Variants in IL1RAPL1 observed in about 807,000 individuals in gnomAD.
IL1RAPL1 encodes interleukin 1 receptor accessory protein like 1, also known as interleukin-1 receptor accessory protein-like 1.
IL1RAPL1 carries 3 observed loss-of-function variants against 48.4 expected under a neutral mutation model. The observed-to-expected ratio is 0.06, with a 90% CI of 0.03 to 0.16. The LOEUF is 0.16. Ranked by LOEUF, IL1RAPL1 falls within the 10% of genes least tolerant of loss-of-function variation. The probability of loss-of-function intolerance (pLI) is 1.00; values close to 1 mark genes in which losing one functional copy is unlikely to be tolerated. For synonymous variants in IL1RAPL1, 185 were observed against 187.7 expected, an observed-to-expected ratio of 0.99 and a Z score of 0.12; for missense variants, 349 against 530.6, an observed-to-expected ratio of 0.66 and a Z score of 3.36.
chrX:29,191,092 TGA>T (rs1930343897), intron 2 of IL1RAPL1, among the ~76,000 whole-genome samples: 1 of 111,621 alleles, frequency 9.0e-6, no homozygotes, highest in Non-Finnish European at 1.9e-5. Flanking sequence ...AAGCAAAAAA[TGA>T]GTTTCATGTA....
intron 2 of IL1RAPL1, among the ~76,000 whole-genome samples, chrX:29,084,852 T>C (rs1380814094): frequency 9.0e-6 from 1 of 111,675 alleles, no homozygotes; most frequent in Non-Finnish European, 1.9e-5. Context: ...CCACCATACC[T>C]GGCTAATTTT....
chrX:29,564,115 C>T lies in IL1RAPL1; in HGVS notation c.704-104315C>T, dbSNP rs138418527. ...ATTTATTGGAACTGTGAGTAAGAGA[C>T]ATTACATAATTTGGGCACAAGGAGA... On this transcript the variant is annotated intron_variant, in intron 5 of 10. Coordinates refer to ENST00000378993, the MANE Select transcript of IL1RAPL1 (RefSeq NM_014271.4). Among the ~76,000 whole-genome samples the T allele has an allele frequency of 8.9e-3, 990 of 111,532 alleles. 10 individuals are homozygous for T. Among genetic ancestry groups the T allele is most frequent in the African/African-American group, 0.03 (935 of 30,670 alleles).
intron 6 of IL1RAPL1, among the ~76,000 whole-genome samples, chrX:29,805,393 ACACGCACACACACACACACATG>A (rs1410927793): frequency 2.7e-5 from 3 of 109,128 alleles, no homozygotes; most frequent in Admixed American, 9.9e-5. Flanking sequence ...TATTAGTTAC[ACACGCACACACACACACACATG>A]CACGCACACA....
intron 3 of IL1RAPL1, among the ~76,000 whole-genome samples, chrX:29,367,460 A>G (rs995760588): frequency 8.9e-6 from 1 of 112,110 alleles, no homozygotes; most frequent in African/African-American, 3.2e-5. Context: ...CTGAAGAATG[A>G]AAAACAAAGT....
At chrX:29,392,987 G>C (rs904581973) in intron 3 of IL1RAPL1, among the ~76,000 whole-genome samples, 2 of 112,032 alleles carry the variant, frequency 1.8e-5, no homozygotes, top group African/African-American at 6.5e-5. Context: ...CCGATAATAA[G>C]ATCTAACGCT....
At chrX:28,645,176 T>G (rs980646705) in intron 1 of IL1RAPL1, among the ~76,000 whole-genome samples, 2 of 107,196 alleles carry the variant, frequency 1.9e-5, no homozygotes, top group Non-Finnish European at 3.8e-5. Context: ...GGAGTGACCC[T>G]GTCTCTACTA....
chrX:28,689,203 C>T (rs913131194), intron 1 of IL1RAPL1, among the ~76,000 whole-genome samples: 2 of 110,908 alleles, frequency 1.8e-5, no homozygotes, highest in Non-Finnish European at 3.8e-5. Context: ...TGTGTCCCCA[C>T]CCAAAATCTC....
At chrX:29,408,068 T>C (rs1434493636) in intron 5 of IL1RAPL1, among the ~76,000 whole-genome samples, 1 of 111,727 alleles carries the variant, frequency 9.0e-6, no homozygotes, top group African/African-American at 3.3e-5. Context: ...TTCTGCCAGA[T>C]ATATGTGGGA....
Position 29,345,420 on chromosome X carries a change from A to G in IL1RAPL1, c.363-50838A>G, listed in dbSNP as rs191401372. On this transcript the variant is annotated intron_variant, in intron 3 of 10. Transcript: ENST00000378993. ...TCTGGTTTTCATATTCTTAGTGTCT[A>G]TTTTGTCTTCCTTCTCTCTGAAATG... 6.3e-5 allele frequency among the ~76,000 whole-genome samples: 7 copies of G among 111,633 alleles called. No homozygotes were observed. The East Asian group carries it at 2.0e-3, about 32-fold the overall frequency.
Position 28,864,326 on chromosome X carries a change from G to A in IL1RAPL1, c.82+74901G>A, listed in dbSNP as rs183234210. ...ATATTTAAATCTGTGAATTCAAAACGATATTTTTTGAGTGCCTATACCATG... is the reference window on the plus strand; with the variant it reads ...ATATTTAAATCTGTGAATTCAAAACAATATTTTTTGAGTGCCTATACCATG... On this transcript the variant is annotated intron_variant, in intron 2 of 10. Coordinates refer to ENST00000378993, the MANE Select transcript of IL1RAPL1 (RefSeq NM_014271.4). Among the ~76,000 whole-genome samples, 24 of 111,880 alleles carry A rather than the reference G, an allele frequency of 2.1e-4. No homozygotes were observed. The East Asian group carries it at 5.3e-3, about 25-fold the overall frequency.
chrX:29,034,015 TAAATC>T (rs1323575355), intron 2 of IL1RAPL1, among the ~76,000 whole-genome samples: 1 of 111,551 alleles, frequency 9.0e-6, no homozygotes, highest in Non-Finnish European at 1.9e-5. Context: ...TTATTCCAAA[TAAATC>T]AAATGAGTCT....
At chrX:29,927,009 C>T (rs1446674915) in intron 8 of IL1RAPL1, among the ~76,000 whole-genome samples, 1 of 112,178 alleles carries the variant, frequency 8.9e-6, no homozygotes, top group African/African-American at 3.2e-5. Context: ...GCTGTTCTTA[C>T]ACCATAGGAA....
intron 1 of IL1RAPL1, among the ~76,000 whole-genome samples, chrX:28,739,030 C>T (rs1935877266): frequency 9.0e-6 from 1 of 111,143 alleles, no homozygotes; most frequent in African/African-American, 3.3e-5. Context: ...TGCAAAAAGA[C>T]AAAGGTCTTA....
intron 6 of IL1RAPL1, among the ~76,000 whole-genome samples, chrX:29,676,267 A>C (rs1216358696): frequency 3.6e-5 from 4 of 112,328 alleles, no homozygotes; most frequent in African/African-American, 9.7e-5. Context: ...TAGTCAATAC[A>C]TGTTTGCTGT....
intron 2 of IL1RAPL1, among the ~76,000 whole-genome samples, chrX:29,200,796 A>G (rs1930540180): frequency 8.9e-6 from 1 of 111,837 alleles, no homozygotes; most frequent in Non-Finnish European, 1.9e-5. Context: ...CAGGCCATGT[A>G]TTACTACACG....
At chrX:29,580,231 T>G (rs1323287450) in intron 5 of IL1RAPL1, among the ~76,000 whole-genome samples, 1 of 110,277 alleles carries the variant, frequency 9.1e-6, no homozygotes, top group Non-Finnish European at 1.9e-5. Context: ...CATTTATAAA[T>G]ACCCAGCACC....
chrX:28,836,351 T>C (rs1293718321), intron 2 of IL1RAPL1, among the ~76,000 whole-genome samples: 2 of 78,431 alleles, frequency 2.6e-5, no homozygotes, highest in Non-Finnish European at 4.0e-5. Context: ...TATATATATA[T>C]ATATATATAT....
intron 5 of IL1RAPL1, among the ~76,000 whole-genome samples, chrX:29,530,127 T>C (rs1569332086): frequency 8.9e-6 from 1 of 112,010 alleles, no homozygotes; most frequent in Non-Finnish European, 1.9e-5. Flanking sequence ...TGGGGGTTTT[T>C]ATTGTATTTT....
At chrX:29,650,209 A>T (rs1016510063) in intron 5 of IL1RAPL1, among the ~76,000 whole-genome samples, 2 of 111,961 alleles carry the variant, frequency 1.8e-5, no homozygotes, top group Non-Finnish European at 3.8e-5. Flanking sequence ...ACTCAAAGTG[A>T]TCTACAGAGT....
Sources: allele counts gnomAD v4.1 joint callset (sites outside exome capture counted in the v4.1 genomes callset), GRCh38; gene constraint gnomAD v4.1.1; transcripts MANE v1.5; gene names NCBI Gene and HGNC (gene_info 2026-07-23, HGNC 2026-07-21).